OPN3: variants seen among roughly 807,000 people sequenced by gnomAD.
OPN3 encodes the protein opsin 3.
A neutral mutation model predicts 33.8 loss-of-function variants in OPN3; 29 were observed. That is an observed-to-expected ratio of 0.86 (90% CI 0.64 to 1.17). The LOEUF (loss-of-function observed/expected upper bound fraction) is 1.17, where lower values mean the gene tolerates loss of function less well. OPN3 is among the 50% of genes most tolerant of loss of function. The pLI, the probability that OPN3 is intolerant of heterozygous loss-of-function variation, is 0.00. For missense variants in OPN3, 437 were observed against 514.1 expected (o/e 0.85, Z 1.45); for synonymous variants, 216 against 216.1 (o/e 1.00, Z 0.00).
chr1:241,604,967 G>A (rs562720865), intron 1 of OPN3, among the ~76,000 whole-genome samples: 1 of 151,302 alleles, frequency 6.6e-6, no homozygotes, highest in Non-Finnish European at 1.5e-5. Context: ...AGGCAGGAGG[G>A]TTGCTTGAGC....
In OPN3 at chr1:241,639,893, C is replaced by A; in HGVS notation, c.362G>T (p.Gly121Val). 3 of 1,582,736 alleles carry A rather than the reference C, an allele frequency of 1.9e-6. No individual in the cohort carries two copies. Among genetic ancestry groups the A allele is most frequent in the Middle Eastern group, 1.7e-4 (1 of 5,956 alleles). ...TVGCVWDGFSGSLFGIVSIAT... is the reference protein window; with the variant it reads ...TVGCVWDGFSVSLFGIVSIAT... The stretch of plus-strand genomic sequence containing the variant: ...CCAGTCCAACTCACCGAAGAGGCTG[C>A]CGCTAAACCCGTCCCACACGCAGCC... The change falls in exon 1 of 4, where the codon GGC (glycine) becomes GTC (valine). Residue 121 changes from glycine (G) to valine (V), a missense_variant. Coordinates refer to ENST00000366554, the MANE Select transcript of OPN3 (RefSeq NM_014322.3).
intron 1 of OPN3, among the ~76,000 whole-genome samples, chr1:241,607,758 G>A (rs1432184765): frequency 6.6e-6 from 1 of 150,536 alleles, no homozygotes; most frequent in Admixed American, 6.6e-5. Context: ...AAGAAAGAAA[G>A]AGAAAGGAGG....
chr1:241,631,162 G>A (rs964569195), intron 1 of OPN3: 1 of 151,988 alleles, frequency 6.6e-6, no homozygotes, highest in Non-Finnish European at 1.5e-5. Flanking sequence ...ATTTTTAAAT[G>A]CTTTTTATTG....
intron 2 of OPN3, among the ~76,000 whole-genome samples, chr1:241,599,813 A>G (rs887697822): frequency 9.9e-5 from 15 of 152,184 alleles, no homozygotes; most frequent in African/African-American, 3.4e-4. Flanking sequence ...AAAAAAACCT[A>G]TGAGAATTAA....
At chr1:241,599,762 C>T (rs1178741799) in intron 2 of OPN3, among the ~76,000 whole-genome samples, 5 of 152,098 alleles carry the variant, frequency 3.3e-5, no homozygotes, top group African/African-American at 1.2e-4. Context: ...TTGAGCAAGT[C>T]AACAACCTCC....
intron 1 of OPN3, among the ~76,000 whole-genome samples, chr1:241,604,870 A>G (rs2050510): frequency 0.028 from 4,303 of 152,072 alleles, 431 homozygotes; most frequent in Admixed American, 0.18. Context: ...AGCCTGGACA[A>G]CATGGCAAGC....
At chr1:241,601,863 A>G (rs1269303985) in intron 2 of OPN3, among the ~76,000 whole-genome samples, 1 of 152,220 alleles carries the variant, frequency 6.6e-6, no homozygotes, top group Non-Finnish European at 1.5e-5. Context: ...TGGTCTTGGT[A>G]TCTAGGAATG....
chr1:241,594,694 G>T lies in OPN3; in HGVS notation c.946-3C>A. The T allele has an allele frequency of 6.2e-7, 1 of 1,608,150 alleles. No homozygotes were observed. Among genetic ancestry groups the T allele is most frequent in the South Asian group, 1.1e-5 (1 of 89,984 alleles). ...AGCTGCAAAAGGGATCTTCGAAACT[G>T]GGCAGAGAAAAAATAAAGTGGAATA... On this transcript the variant is annotated splice_region_variant and splice_polypyrimidine_tract_variant and intron_variant, in intron 3 of 3. Coordinates refer to ENST00000366554, the MANE Select transcript of OPN3 (RefSeq NM_014322.3).
rs557891774 is a variant in OPN3, at chr1:241,611,900, T to C, written c.374-7321A>G. Among the ~76,000 whole-genome samples, 718 of 152,254 alleles carry C rather than the reference T, an allele frequency of 4.7e-3. 3 individuals are homozygous for C. The highest frequency in any genetic ancestry group is 0.019 in the South Asian group (94 of 4,826). Reference sequence around the variant, plus strand: ...CAAGCCTGGTTCTAGGGAAACCTAGTGGAGAAATATGGTTACTGTGATAAG... The same window carrying C: ...CAAGCCTGGTTCTAGGGAAACCTAGCGGAGAAATATGGTTACTGTGATAAG... On this transcript the variant is annotated intron_variant, in intron 1 of 3. Transcript: ENST00000366554.
Position 241,594,142 on chromosome 1 carries a change from T to C in OPN3, c.*286A>G, listed in dbSNP as rs1427922771. 3.0e-6 allele frequency: 1 copy of C among 333,158 alleles called. No homozygotes were observed. The highest frequency in any genetic ancestry group is 5.4e-6 in the Non-Finnish European group (1 of 184,848). 20.6% of individuals were successfully genotyped at this position (333,158 alleles called of 1,614,324 possible). On this transcript the variant is annotated 3_prime_UTR_variant, in exon 4 of 4. Transcript: ENST00000366554. ...GGAAAATAGAGTAATTTAAAAAATA[T>C]ATTTGAAATGAAAATCTCCAACACA...
chr1:241,634,919 A>G (rs201889209), intron 1 of OPN3: 1 of 1,611,096 alleles, frequency 6.2e-7, no homozygotes, highest in East Asian at 2.2e-5. Flanking sequence ...GCTATTAAAG[A>G]CATCTGCTCT....
chr1:241,599,520 C>T (rs1663624827), intron 2 of OPN3, among the ~76,000 whole-genome samples: 1 of 151,998 alleles, frequency 6.6e-6, no homozygotes, highest in Non-Finnish European at 1.5e-5. Flanking sequence ...ACGGCAAAAA[C>T]CGCAATTACT....
chr1:241,594,300 G>C lies in OPN3; in HGVS notation c.*128C>G, dbSNP rs1010250341. On this transcript the variant is annotated 3_prime_UTR_variant, in exon 4 of 4. Coordinates refer to ENST00000366554, the MANE Select transcript of OPN3 (RefSeq NM_014322.3). ...AGGCCCAAGAGCATATGGGCAATTCGGATTTCCTGCTGGACCACAAGGTTC... is the reference window on the plus strand; with the variant it reads ...AGGCCCAAGAGCATATGGGCAATTCCGATTTCCTGCTGGACCACAAGGTTC... 2.8e-6 allele frequency: 3 copies of C among 1,064,514 alleles called. No homozygotes were observed. Among genetic ancestry groups the C allele is most frequent in the Non-Finnish European group, 4.1e-6 (3 of 738,972 alleles). The allele number at this position is 1,064,514 out of a possible 1,614,324, so 65.9% of individuals were successfully genotyped here.
intron 1 of OPN3, chr1:241,635,394 A>C (rs1306218065): frequency 6.2e-7 from 1 of 1,613,992 alleles, no homozygotes; most frequent in Admixed American, 1.7e-5. Context: ...GACACCCCCA[A>C]AGAAGGATTT....
intron 1 of OPN3, among the ~76,000 whole-genome samples, chr1:241,628,557 C>T (rs753473559): frequency 6.6e-6 from 1 of 152,064 alleles, no homozygotes; most frequent in African/African-American, 2.4e-5. Flanking sequence ...TTAAGATTCC[C>T]AAGTGACATG....
At chr1:241,628,912 G>C (rs1198769112) in intron 1 of OPN3, 1 of 152,434 alleles carries the variant, frequency 6.6e-6, no homozygotes, top group East Asian at 1.9e-4. Flanking sequence ...ATATTTAACA[G>C]AAGAAAAATA....
chr1:241,607,568 A>G (rs1489561734), intron 1 of OPN3, among the ~76,000 whole-genome samples: 1 of 118,738 alleles, frequency 8.4e-6, no homozygotes, highest in Non-Finnish European at 1.8e-5. Flanking sequence ...AGGAAGAAAG[A>G]AAGAAAGAAA....
chr1:241,625,797 C>T (rs1664404787), intron 1 of OPN3, among the ~76,000 whole-genome samples: 1 of 152,174 alleles, frequency 6.6e-6, no homozygotes, highest in African/African-American at 2.4e-5. Flanking sequence ...TCAACACTTG[C>T]TCTAGTGCAG....
chr1:241,635,316 C>T lies in OPN3; in HGVS notation c.373+4566G>A, dbSNP rs111635573. 4.7e-5 allele frequency: 76 copies of T among 1,613,902 alleles called. No homozygotes were observed. In the African/African-American group the frequency reaches 5.1e-4, roughly 11 times the overall value. On this transcript the variant is annotated intron_variant, in intron 1 of 3. Transcript: ENST00000366554. ...TGAGTGTGTTTTGCAGGCATTTCGT[C>T]GCTATTAAAATACGATAACTGGCTT...
Sources: allele counts gnomAD v4.1 joint callset (sites outside exome capture counted in the v4.1 genomes callset), GRCh38; gene constraint gnomAD v4.1.1; transcripts MANE v1.5; gene names NCBI Gene and HGNC (gene_info 2026-07-23, HGNC 2026-07-21).